The following RUFY2 variants were observed in gnomAD, a reference collection of about 807,000 sequenced individuals.
RUFY2 encodes the protein RUN and FYVE domain containing 2.
Under a neutral mutation model 94.4 loss-of-function variants are expected in RUFY2, and 49 were observed. The observed-to-expected ratio is 0.52, with a 90% CI of 0.41 to 0.66. The LOEUF is 0.66. Ranked by LOEUF, RUFY2 falls within the 30% of genes least tolerant of loss-of-function variation. RUFY2 has a pLI of 0.00. For synonymous variants in RUFY2, 255 were observed against 235.7 expected, an observed-to-expected ratio of 1.08 and a Z score of -0.75; for missense variants, 541 against 692.8, an observed-to-expected ratio of 0.78 and a Z score of 2.46.
chr10:68,386,144 A>G lies in RUFY2; in HGVS notation c.651-16T>C. On this transcript the variant is annotated splice_polypyrimidine_tract_variant and intron_variant, in intron 7 of 17. Coordinates refer to ENST00000602465, the MANE Select transcript of RUFY2 (RefSeq NM_001330103.2). ...GACTGTGCTGCTGAAATTAAGAAACAAAAAAACTCATTCAAAATCACACGA... is the reference window on the plus strand; with the variant it reads ...GACTGTGCTGCTGAAATTAAGAAACGAAAAAACTCATTCAAAATCACACGA... The G allele has an allele frequency of 6.3e-7, 1 of 1,595,838 alleles. No homozygotes were observed. The highest frequency in any genetic ancestry group is 1.8e-5 in the Admixed American group (1 of 56,124).
intron 13 of RUFY2, among the ~76,000 whole-genome samples, chr10:68,367,685 C>T (rs1420824947): frequency 6.6e-6 from 1 of 151,394 alleles, no homozygotes; most frequent in Non-Finnish European, 1.5e-5. Flanking sequence ...CTCTCTCCCT[C>T]CCTCCCTGCT....
chr10:68,381,122 T>C (rs2049030202), intron 11 of RUFY2, 110 bp downstream of exon 11: 1 of 683,404 alleles, frequency 1.5e-6, no homozygotes, highest in African/African-American at 1.8e-5. Context: ...CATTGGCCTT[T>C]ATAATATTGC....
chr10:68,379,644 T>C (rs1450664482), intron 11 of RUFY2, 123 bp from the exon 12 acceptor site: 1 of 617,214 alleles, frequency 1.6e-6, no homozygotes, highest in African/African-American at 1.9e-5. Flanking sequence ...TTTGAACTTC[T>C]GGGCTCAAGC....
intron 12 of RUFY2, chr10:68,377,677 C>T (rs1328690672): frequency 6.1e-6 from 6 of 985,184 alleles, no homozygotes; most frequent in South Asian, 4.7e-5. Context: ...ATTTGTAAGT[C>T]GTTGCATTTT....
In RUFY2 at chr10:68,343,442, G is replaced by A. The variant is rs2134831912; in HGVS notation, c.*2326C>T. 6.6e-6 allele frequency: 1 copy of A among 152,532 alleles called. No individual in the cohort carries two copies. Among genetic ancestry groups the A allele is most frequent in the East Asian group, 1.9e-4 (1 of 5,174 alleles). 9.4% of individuals were successfully genotyped at this position (152,532 alleles called of 1,614,324 possible). A position where few individuals can be genotyped will look rare whatever the true frequency, so the allele number is the denominator to read the frequency against. On this transcript the variant is annotated 3_prime_UTR_variant, in exon 18 of 18. Transcript: ENST00000602465. ...AGTTGTATGTGTTTTATTTTCCCAG[G>A]ATTACTCTCTTAACATCTTAAAGCA...
At chr10:68,385,865 TA>T (rs1351834407) in intron 8 of RUFY2, among the ~76,000 whole-genome samples, 193 bp downstream of exon 8, 1 of 152,196 alleles carries the variant, frequency 6.6e-6, no homozygotes, top group Non-Finnish European at 1.5e-5. Context: ...CAGATTCATA[TA>T]ACTGAGGATT....
At chr10:68,370,964 C>G (rs2048227491) in intron 13 of RUFY2, among the ~76,000 whole-genome samples, 1 of 151,844 alleles carries the variant, frequency 6.6e-6, no homozygotes, top group South Asian at 2.1e-4. Context: ...AACCCTGTCT[C>G]TACTAAAAAT....
chr10:68,390,817 A>C (rs1274945957), intron 7 of RUFY2, among the ~76,000 whole-genome samples: 2 of 151,346 alleles, frequency 1.3e-5, no homozygotes, highest in African/African-American at 4.9e-5. Flanking sequence ...CCGAGGCTGG[A>C]ATGCAGTGAT....
chr10:68,371,700 A>C (rs1309433134), intron 13 of RUFY2, among the ~76,000 whole-genome samples: 2 of 152,176 alleles, frequency 1.3e-5, no homozygotes, highest in African/African-American at 4.8e-5. Context: ...AATTTCCCAA[A>C]TCTGACAAAG....
chr10:68,381,525 A>T (rs2049054352), intron 10 of RUFY2, 126 bp from the exon 11 acceptor site: 1 of 810,024 alleles, frequency 1.2e-6, no homozygotes. Flanking sequence ...GGAATCAACC[A>T]GGCCCTATAA....
chr10:68,377,986 T>G (rs934106546), intron 12 of RUFY2: 2 of 985,256 alleles, frequency 2.0e-6, no homozygotes, highest in Non-Finnish European at 2.4e-6. Flanking sequence ...ATTCAGGTGC[T>G]GGGATTGGAC....
intron 13 of RUFY2, among the ~76,000 whole-genome samples, 185 bp downstream of exon 13, chr10:68,376,668 A>C (rs2048702263): frequency 6.6e-6 from 1 of 150,996 alleles, no homozygotes; most frequent in South Asian, 2.1e-4. Flanking sequence ...GTAAATCATA[A>C]AGGGAGTAAA....
chr10:68,364,216 T>C (rs1564797854), intron 13 of RUFY2, 103 bp from the exon 14 acceptor site: 8 of 1,059,848 alleles, frequency 7.5e-6, no homozygotes, highest in South Asian at 2.3e-5. Flanking sequence ...ACTTTGGCCT[T>C]TGTAATGCAT....
chr10:68,386,004 G>T, intron 8 of RUFY2, 55 bp downstream of exon 8: 1 of 1,190,832 alleles, frequency 8.4e-7, no homozygotes, highest in Non-Finnish European at 1.2e-6. Flanking sequence ...TACTTAAAAT[G>T]GAAAAGGATC....
chr10:68,376,794 C>A (rs2048711334), intron 13 of RUFY2, 59 bp downstream of exon 13: 1 of 1,496,308 alleles, frequency 6.7e-7, no homozygotes, highest in African/African-American at 1.4e-5. Context: ...TCATTATGTG[C>A]AAAAAAATGA....
At position 68,374,536 on chromosome 10, in the gene RUFY2, T is replaced by C. The variant is rs1589872196; in HGVS notation, c.1325+2317A>G. ...TAGAATACAATAAGCAAAAACAGAA[T>C]TGAAAAAATATATTTACCAATCCAC... On this transcript the variant is annotated intron_variant, in intron 13 of 17. Coordinates refer to ENST00000602465, the MANE Select transcript of RUFY2 (RefSeq NM_001330103.2). Among the ~76,000 whole-genome samples, 3 of 152,110 alleles carry C rather than the reference T, an allele frequency of 2.0e-5. No individual in the cohort carries two copies. In the South Asian group the frequency reaches 6.2e-4, roughly 32 times the overall value.
intron 3 of RUFY2, among the ~76,000 whole-genome samples, chr10:68,399,058 G>A (rs2050617612): frequency 1.3e-5 from 2 of 149,046 alleles, no homozygotes; most frequent in Non-Finnish European, 3.0e-5. Flanking sequence ...TTTTTTTGGT[G>A]GGGGAGACAA....
At chr10:68,360,616 C>T (rs1388636646) in intron 15 of RUFY2, among the ~76,000 whole-genome samples, 2 of 151,908 alleles carry the variant, frequency 1.3e-5, no homozygotes, top group East Asian at 1.9e-4. Context: ...GGCATGGTGG[C>T]GGGCACCTGT....
At chr10:68,394,520 C>G in intron 4 of RUFY2, 69 bp from the exon 5 acceptor site, 1 of 1,126,008 alleles carries the variant, frequency 8.9e-7, no homozygotes, top group South Asian at 1.3e-5. Flanking sequence ...TTAAAATCAC[C>G]ATTATCTTCC....
Sources: allele counts gnomAD v4.1 joint callset (sites outside exome capture counted in the v4.1 genomes callset), GRCh38; gene constraint gnomAD v4.1.1; transcripts MANE v1.5; gene names NCBI Gene and HGNC (gene_info 2026-07-23, HGNC 2026-07-21).